MMP9: variants seen among roughly 807,000 people sequenced by gnomAD.
MMP9 encodes matrix metalloproteinase-9.
A neutral mutation model predicts 76.4 loss-of-function variants in MMP9; 73 were observed. The observed-to-expected ratio is 0.96, with a 90% confidence interval of 0.79 to 1.16. The LOEUF (loss-of-function observed/expected upper bound fraction) is 1.16, where lower values mean the gene tolerates loss of function less well. Among genes scored for constraint, MMP9 ranks in the 50% most tolerant of loss-of-function variants. The pLI is 0.00. For missense variants in MMP9, 943 were observed against 973.0 expected (o/e 0.97, Z 0.41); for synonymous variants, 412 against 408.4 (o/e 1.01, Z -0.11).
rs1157385301 is a variant in MMP9, at chr20:46,012,546, C to T, written c.1294C>T (p.His432Tyr). The T allele has an allele frequency of 2.5e-6, 4 of 1,613,786 alleles. No individual in the cohort carries two copies. The highest frequency in any genetic ancestry group is 3.4e-6 in the Non-Finnish European group (4 of 1,179,962). The change falls in exon 8 of 13, where the codon CAT (histidine) becomes TAT (tyrosine). Residue 432 changes from histidine to tyrosine, a missense_variant. Transcript: ENST00000372330. Reference sequence around the variant, plus strand: ...CCGCTTCACTGAGGGGCCCCCCTTGCATAAGGACGACGTGAATGGCATCCG... The same window carrying T: ...CCGCTTCACTGAGGGGCCCCCCTTGTATAAGGACGACGTGAATGGCATCCG... ...MYRFTEGPPL[H>Y]KDDVNGIRHL...
intron 2 of MMP9, 89 bp downstream of exon 2, chr20:46,010,187 C>T (rs1425881217): frequency 1.6e-6 from 2 of 1,220,092 alleles, no homozygotes; most frequent in African/African-American, 1.5e-5. Context: ...GTCTTGGACG[C>T]GTCCCTGGGT....
chr20:46,014,127 G>T lies in MMP9; in HGVS notation c.1754G>T (p.Arg585Leu). ...LSKKLFFFSG[R>L]QVWVYTGASV... ...ACGTGACCCTCCTCCCCTGCAGGGC[G>T]CCAGGTGTGGGTGTACACAGGCGCG... Residue 585 changes from arginine to leucine, a missense_variant, in exon 11 of 13, where the codon CGC becomes CTC. Arg to Leu is a moderately radical substitution (Grantham distance 102, BLOSUM62 -2). Coordinates refer to ENST00000372330, the MANE Select transcript of MMP9 (RefSeq NM_004994.3). 2 of 1,535,274 alleles carry T rather than the reference G, an allele frequency of 1.3e-6. No homozygotes were observed. The highest frequency in any genetic ancestry group is 1.7e-6 in the Non-Finnish European group (2 of 1,146,610).
Position 46,013,707 on chromosome 20 carries a change from T to A in MMP9, c.1661T>A (p.Phe554Tyr). Residue 554 changes from phenylalanine (F) to tyrosine (Y), a missense_variant, in exon 10 of 13, where the codon TTC becomes TAC. By Grantham distance (22) the Phe-to-Tyr change is conservative. Coordinates refer to ENST00000372330, the MANE Select transcript of MMP9 (RefSeq NM_004994.3). The surrounding 1 kb of genome is among the most constrained non-coding windows in gnomAD (Gnocchi z 4.5). ...EGRGSRPQGP[F>Y]LIADKWPALP... is the part of the protein sequence containing the mutation. ...AGGGGGAGCCGGCCGCAGGGCCCCT[T>A]CCTTATCGCCGACAAGTGGCCCGCG... 1 of 1,613,696 alleles carries A rather than the reference T, an allele frequency of 6.2e-7. No homozygotes were observed. The highest frequency in any genetic ancestry group is 1.7e-5 in the Admixed American group (1 of 60,016).
At chr20:46,012,060 A>G (rs2084283497) in intron 6 of MMP9, 77 bp from the exon 7 acceptor site, 2 of 1,567,606 alleles carry the variant, frequency 1.3e-6, no homozygotes, top group Admixed American at 1.7e-5. Flanking sequence ...AAGATTGTTT[A>G]GCTCCCTGTC....
Position 46,013,104 on chromosome 20 carries a change from GAAGA to G in MMP9, c.1331-147_1331-144del. ...TGTCGCTTAAAACGAAAAAGAAGAA[GAAGA>G]AAGTCCTGTGGTTTGGGAAGGGAGG... On this transcript the variant is annotated intron_variant, in intron 8 of 12. Transcript: ENST00000372330. This position sits in a 1 kb window ranked among gnomAD's most constrained non-coding sequence, Gnocchi z 4.5. The G allele has an allele frequency of 1.1e-6, 1 of 915,446 alleles. No individual in the cohort carries two copies. The highest frequency in any genetic ancestry group is 1.3e-5 in the South Asian group (1 of 75,310). 56.7% of individuals were successfully genotyped at this position (915,446 alleles called of 1,614,324 possible). A position where few individuals can be genotyped will look rare whatever the true frequency, so the allele number is the denominator to read the frequency against.
At position 46,014,407 on chromosome 20, in the gene MMP9, C is replaced by A; in HGVS notation, c.1938C>A (p.Ser646Arg). The A allele has an allele frequency of 6.5e-7, 1 of 1,549,860 alleles. No homozygotes were observed. Among genetic ancestry groups the A allele is most frequent in the East Asian group, 2.4e-5 (1 of 40,918 alleles). Residue 646 changes from serine (S) to arginine (R), a missense_variant, in exon 12 of 13, where the codon AGC (serine) becomes AGA (arginine). By Grantham distance (110) the Ser-to-Arg change is moderately radical. Transcript: ENST00000372330. ...DVKAQMVDPR[S>R]ASEVDRMFPG... ...AGGCGCAGATGGTGGATCCCCGGAG[C>A]GCCAGCGAGGTGGACCGGATGTTCC...
chr20:46,010,794 C>T, intron 3 of MMP9, 128 bp from the exon 4 acceptor site: 1 of 1,571,920 alleles, frequency 6.4e-7, no homozygotes. Flanking sequence ...GGCCAGGGCG[C>T]CAGGCTGGGA....
In MMP9 at chr20:46,016,380, T is replaced by G; in HGVS notation, c.*12T>G. ...GCCCTGAGGACTAGGGCTCCCGTCC[T>G]GCTTTGGCAGTGCCATGTAAATCCC... is the stretch of plus-strand genomic sequence containing the variant. On this transcript the variant is annotated 3_prime_UTR_variant, in exon 13 of 13. Coordinates refer to ENST00000372330, the MANE Select transcript of MMP9 (RefSeq NM_004994.3). 6.2e-7 allele frequency: 1 copy of G among 1,609,034 alleles called. No homozygotes were observed.
chr20:46,011,822 T>C (rs550689672), intron 6 of MMP9, 75 bp downstream of exon 6: 40 of 1,514,208 alleles, frequency 2.6e-5, no homozygotes, highest in Admixed American at 1.2e-4. Context: ...GGCTCTTCCC[T>C]CCCATCAGTT....
Position 46,012,282 on chromosome 20 carries a change from C to A in MMP9, c.1143C>A (p.Ser381Arg). 6.2e-7 allele frequency: 1 copy of A among 1,613,736 alleles called. No homozygotes were observed. The highest frequency in any genetic ancestry group is 2.2e-5 in the East Asian group (1 of 44,872). The change falls in exon 7 of 13, where the codon AGC becomes AGA. Residue 381 changes from serine (S) to arginine (R), a missense_variant. Transcript: ENST00000372330. ...GCGCTACCACCTCGAACTTTGACAG[C>A]GACAAGAAGTGGGGCTTCTGCCCGG... is the stretch of plus-strand genomic sequence containing the variant. ...LWCATTSNFD[S>R]DKKWGFCPDQ...
intron 12 of MMP9, 166 bp downstream of exon 12, chr20:46,014,640 T>G (rs1476445915): frequency 1.1e-5 from 8 of 761,888 alleles, no homozygotes; most frequent in Non-Finnish European, 1.7e-5. Context: ...ATTTAGGAAG[T>G]CAGGGATGCA....
At position 46,013,496 on chromosome 20, in the gene MMP9, C is replaced by A; in HGVS notation, c.1572C>A (p.Ile524=). 6.2e-7 allele frequency: 1 copy of A among 1,614,090 alleles called. No homozygotes were observed. Among genetic ancestry groups the A allele is most frequent in the Non-Finnish European group, 8.5e-7 (1 of 1,179,988 alleles). ...DACNVNIFDA[I]AEIGNQLYLF... ...GCAACGTGAACATCTTCGACGCCAT[C>A]GCGGAGATTGGGAACCAGCTGTATT... Residue 524 remains isoleucine, a synonymous_variant, in exon 9 of 13, where the codon ATC becomes ATA. Transcript: ENST00000372330. This position sits in a 1 kb window ranked among gnomAD's most constrained non-coding sequence, Gnocchi z 4.5.
Position 46,012,170 on chromosome 20 carries a change from G to C in MMP9, c.1031G>C (p.Gly344Ala), listed in dbSNP as rs748028096. The C allele has an allele frequency of 2.5e-6, 4 of 1,614,092 alleles. No homozygotes were observed. The South Asian group carries it at 3.3e-5, about 13-fold the overall frequency. Residue 344 changes from glycine (G) to alanine (A), a missense_variant, in exon 7 of 13, where the codon GGG becomes GCG. Coordinates refer to ENST00000372330, the MANE Select transcript of MMP9 (RefSeq NM_004994.3). ...ACGGTGATGGGGGGCAACTCGGCGG[G>C]GGAGCTGTGCGTCTTCCCCTTCACT... ...DSTVMGGNSAGELCVFPFTFL... is the reference protein window; with the variant it reads ...DSTVMGGNSAAELCVFPFTFL...
chr20:46,016,441 C>A lies in MMP9; in HGVS notation c.*73C>A. On this transcript the variant is annotated 3_prime_UTR_variant, in exon 13 of 13. Coordinates refer to ENST00000372330, the MANE Select transcript of MMP9 (RefSeq NM_004994.3). ...AACCCTGGGGAAGGAGCCAGTTTGC[C>A]GGATACAAACTGGTATTCTGTTCTG... The A allele has an allele frequency of 1.7e-6, 2 of 1,186,146 alleles. No individual in the cohort carries two copies. The highest frequency in any genetic ancestry group is 2.4e-5 in the South Asian group (2 of 82,100). The allele number at this position is 1,186,146 out of a possible 1,614,324, so 73.5% of individuals were successfully genotyped here. A position where few individuals can be genotyped will look rare whatever the true frequency, so the allele number is the denominator to read the frequency against.
Position 46,010,337 on chromosome 20 carries a change from A to AAAAAAAAAAC in MMP9, c.372-142_372-141insAAAAACAAAA, listed in dbSNP as rs1272580918. 4.5e-6 allele frequency: 4 copies of AAAAAAAAAAC among 898,354 alleles called. No individual in the cohort carries two copies. In the African/African-American group the frequency reaches 5.1e-5, roughly 11 times the overall value. 55.6% of individuals were successfully genotyped at this position (898,354 alleles called of 1,614,324 possible). On this transcript the variant is annotated intron_variant, in intron 2 of 12. Coordinates refer to ENST00000372330, the MANE Select transcript of MMP9 (RefSeq NM_004994.3). Reference sequence around the variant, plus strand: ...CTAAGTAGACAAAAAAAAAAAAAAAAAAAACAGTCTGGAAGCAATTTATAG... The same window carrying AAAAAAAAAAC: ...CTAAGTAGACAAAAAAAAAAAAAAAAAAAAAAAAACAAAACAGTCTGGAAGCAATTTATAG...
chr20:46,013,598 C>T lies in MMP9; in HGVS notation c.1611-59C>T. On this transcript the variant is annotated intron_variant, in intron 9 of 12. Transcript: ENST00000372330. The surrounding 1 kb of genome is among the most constrained non-coding windows in gnomAD (Gnocchi z 4.5). ...TGCGGAGGGGCTGCCCGTCCCTTCC[C>T]GCCCACTGGCCCTGTGTCCAAGGCT... 7 of 1,611,900 alleles carry T rather than the reference C, an allele frequency of 4.3e-6. No homozygotes were observed. In the Admixed American group the frequency reaches 5.0e-5, roughly 12 times the overall value.
At chr20:46,015,537 G>A (rs1205108132) in intron 12 of MMP9, among the ~76,000 whole-genome samples, 12 of 142,698 alleles carry the variant, frequency 8.4e-5, no homozygotes, top group South Asian at 2.3e-4. Context: ...TGCAACCTCC[G>A]CCTCCCGGGT....
At chr20:46,010,333 A>AAAAAAAAAAAAAAAAAAAAAAG in intron 2 of MMP9, 150 bp from the exon 3 acceptor site, 2 of 827,760 alleles carry the variant, frequency 2.4e-6, no homozygotes, top group Non-Finnish European at 1.8e-6. Flanking sequence ...AAAAAAAAAA[A>AAAAAAAAAAAAAAAAAAAAAAG]AAAAAAAACA....
rs1278648226 is a variant in MMP9, at chr20:46,014,115, C to T, written c.1751-9C>T. ...GCCCCCAAACCGACGTGACCCTCCT[C>T]CCCTGCAGGGCGCCAGGTGTGGGTG... On this transcript the variant is annotated splice_polypyrimidine_tract_variant and intron_variant, in intron 10 of 12. Coordinates refer to ENST00000372330, the MANE Select transcript of MMP9 (RefSeq NM_004994.3). 1.3e-6 allele frequency: 2 copies of T among 1,534,720 alleles called. No individual in the cohort carries two copies. Among genetic ancestry groups the T allele is most frequent in the Non-Finnish European group, 1.7e-6 (2 of 1,146,646 alleles).
Sources: gnomAD v4.1 joint callset for allele counts (sites outside exome capture counted in the v4.1 genomes callset) on GRCh38, gnomAD v4.1.1 for gene constraint, Gnocchi (gnomAD v3.1) non-coding constraint, MANE v1.5 for transcripts, NCBI Gene and HGNC (gene_info 2026-07-23, HGNC 2026-07-21) for gene names.